Variants in TM2D1 observed in about 807,000 individuals in gnomAD.
The protein encoded by TM2D1 is TM2 domain-containing protein 1.
Under a neutral mutation model 28.4 loss-of-function variants are expected in TM2D1, and 15 were observed. The ratio of observed to expected loss-of-function variants is 0.53; its 90% CI spans 0.35 to 0.81. The LOEUF is 0.81. Among genes scored for constraint, TM2D1 ranks in the 40% least tolerant of loss-of-function variants. The pLI is 0.01. For synonymous variants in TM2D1, 93 were observed against 96.2 expected, an observed-to-expected ratio of 0.97 and a Z score of 0.20; for missense variants, 236 against 254.9, an observed-to-expected ratio of 0.93 and a Z score of 0.50.
chr1:61,687,420 C>T (rs900712677), intron 5 of TM2D1, among the ~76,000 whole-genome samples: 1 of 152,112 alleles, frequency 6.6e-6, no homozygotes, highest in East Asian at 1.9e-4. Flanking sequence ...ATATATTTTA[C>T]TGTACAAAAA....
Position 61,683,410 on chromosome 1 carries a change from C to A in TM2D1, c.*19+7G>T. On this transcript the variant is annotated splice_region_variant and intron_variant, in intron 6 of 6. Coordinates refer to ENST00000606498, the MANE Select transcript of TM2D1 (RefSeq NM_032027.3). The stretch of plus-strand genomic sequence containing the variant: ...TAAGATATTACATATATATATATAT[C>A]ACTTACTGTTTCTTTTAAAAAATAT... The A allele has an allele frequency of 1.2e-6, 1 of 861,434 alleles. No homozygotes were observed. Among genetic ancestry groups the A allele is most frequent in the Non-Finnish European group, 1.8e-6 (1 of 570,306 alleles). 53.4% of individuals were successfully genotyped at this position (861,434 alleles called of 1,614,324 possible). A position where few individuals can be genotyped will look rare whatever the true frequency, so the allele number is the denominator to read the frequency against.
intron 2 of TM2D1, among the ~76,000 whole-genome samples, chr1:61,720,303 G>A (rs1311357052): frequency 5.3e-5 from 8 of 151,624 alleles, no homozygotes; most frequent in Admixed American, 2.6e-4. Flanking sequence ...GTGCAGTGGC[G>A]TGACCTCGGC....
intron 5 of TM2D1, among the ~76,000 whole-genome samples, chr1:61,691,961 G>GTA (rs1326139003): frequency 9.4e-4 from 79 of 83,758 alleles, no homozygotes; most frequent in Non-Finnish European, 1.9e-3. Context: ...ATATATATAT[G>GTA]TATATATATA....
chr1:61,697,247 TC>T (rs1327570054), intron 4 of TM2D1, among the ~76,000 whole-genome samples: 1 of 152,162 alleles, frequency 6.6e-6, no homozygotes, highest in East Asian at 1.9e-4. Context: ...GATTAAACCT[TC>T]AAGTTTTTTT....
At chr1:61,708,480 T>G (rs1160564001) in intron 3 of TM2D1, among the ~76,000 whole-genome samples, 2 of 152,234 alleles carry the variant, frequency 1.3e-5, no homozygotes, top group African/African-American at 4.8e-5. Context: ...AAACGTGAAC[T>G]TCCGGGCTCC....
chr1:61,695,147 G>A (rs1644354514), intron 4 of TM2D1, among the ~76,000 whole-genome samples: 1 of 151,486 alleles, frequency 6.6e-6, no homozygotes, highest in South Asian at 2.1e-4. Context: ...TACATTATGT[G>A]ACCCAAAATT....
At chr1:61,701,556 C>CGTGTGTGT (rs60257971) in intron 3 of TM2D1, among the ~76,000 whole-genome samples, 3,004 of 145,918 alleles carry the variant, frequency 0.021, 91 homozygotes, top group African/African-American at 0.067. Flanking sequence ...AATTCTCTTT[C>CGTGTGTGT]GTGTGTGTGT....
In TM2D1 at chr1:61,715,476, C is replaced by T. The variant is rs149259339; in HGVS notation, c.239-6039G>A. ...CAGCCTGGCCAACATGGTAAAACCC[C>T]GTCTCTACTAAAAATACACAAATTA... is the stretch of plus-strand genomic sequence containing the variant. On this transcript the variant is annotated intron_variant, in intron 2 of 6. Coordinates refer to ENST00000606498, the MANE Select transcript of TM2D1 (RefSeq NM_032027.3). Among the ~76,000 whole-genome samples, 366 of 151,232 alleles carry T rather than the reference C, an allele frequency of 2.4e-3. 1 individual carries two copies. The highest frequency in any genetic ancestry group is 8.2e-3 in the African/African-American group (337 of 41,284).
intron 5 of TM2D1, 124 bp from the exon 6 acceptor site, chr1:61,683,670 C>A: frequency 3.8e-6 from 2 of 523,534 alleles, no homozygotes; most frequent in Non-Finnish European, 6.7e-6. Flanking sequence ...CTAACCTAAG[C>A]AAAAATAGGT....
chr1:61,700,073 G>A, intron 4 of TM2D1: 1 of 1,412,084 alleles, frequency 7.1e-7, no homozygotes, highest in East Asian at 2.8e-5. Flanking sequence ...GAGTACTACA[G>A]TAAATAAAGC....
chr1:61,703,023 T>C (rs966175409), intron 3 of TM2D1, among the ~76,000 whole-genome samples: 9 of 151,516 alleles, frequency 5.9e-5, no homozygotes, highest in Admixed American at 4.0e-4. Flanking sequence ...TGAGAATCGC[T>C]TGAACCTGGG....
chr1:61,706,968 A>T (rs568655836), intron 3 of TM2D1, among the ~76,000 whole-genome samples: 1 of 152,228 alleles, frequency 6.6e-6, no homozygotes, highest in East Asian at 1.9e-4. Context: ...TCAATATCTT[A>T]TAAGGGCCAG....
chr1:61,716,037 C>T (rs1235515479), intron 2 of TM2D1, among the ~76,000 whole-genome samples: 1 of 151,724 alleles, frequency 6.6e-6, no homozygotes. Flanking sequence ...GATCTCCTGA[C>T]CTCGTGATCC....
At chr1:61,710,681 T>G (rs959992607) in intron 2 of TM2D1, among the ~76,000 whole-genome samples, 3 of 151,864 alleles carry the variant, frequency 2.0e-5, no homozygotes, top group African/African-American at 7.2e-5. Context: ...CTTACCTCTA[T>G]GTTTAGCATC....
At chr1:61,717,074 T>C (rs2787461) in intron 2 of TM2D1, among the ~76,000 whole-genome samples, 142,519 of 152,148 alleles carry the variant, frequency 0.94, 66,808 homozygotes, top group South Asian at 0.96. Context: ...TATGGCCGGG[T>C]GCAGTGGCTC....
chr1:61,713,659 C>CTA (rs1215123656), intron 2 of TM2D1, among the ~76,000 whole-genome samples: 1 of 151,990 alleles, frequency 6.6e-6, no homozygotes, highest in Non-Finnish European at 1.5e-5. Flanking sequence ...CTACAAGTAT[C>CTA]TACCTTGCAC....
At chr1:61,713,361 C>T (rs970597962) in intron 2 of TM2D1, among the ~76,000 whole-genome samples, 1 of 151,652 alleles carries the variant, frequency 6.6e-6, no homozygotes, top group Non-Finnish European at 1.5e-5. Flanking sequence ...GCCTGTGGTC[C>T]CAGCTACTCA....
intron 4 of TM2D1, among the ~76,000 whole-genome samples, chr1:61,700,729 G>A (rs1644394909): frequency 1.3e-5 from 2 of 152,102 alleles, no homozygotes; most frequent in African/African-American, 4.8e-5. Flanking sequence ...TCATAAAGGT[G>A]AAAACATAGG....
chr1:61,690,473 A>AAAAAAAAAC, intron 5 of TM2D1, among the ~76,000 whole-genome samples: 1 of 151,236 alleles, frequency 6.6e-6, no homozygotes. Context: ...AAAAAAAAAA[A>AAAAAAAAAC]AAAAAAAACA....
Sources: allele counts gnomAD v4.1 joint callset (sites outside exome capture counted in the v4.1 genomes callset), GRCh38; gene constraint gnomAD v4.1.1; transcripts MANE v1.5; gene names NCBI Gene and HGNC (gene_info 2026-07-23, HGNC 2026-07-21).